The following RNF121 variants were observed in gnomAD, a reference collection of about 807,000 sequenced individuals.
RNF121 encodes ring finger protein 121.
Under a neutral mutation model 46.5 loss-of-function variants are expected in RNF121, and 21 were observed. The observed-to-expected ratio is 0.45, with a 90% CI of 0.32 to 0.65. The LOEUF (loss-of-function observed/expected upper bound fraction) is 0.65. Among genes scored for constraint, RNF121 ranks in the 30% least tolerant of loss-of-function variants. The pLI, the probability that RNF121 is intolerant of heterozygous loss-of-function variation, is 0.04. For missense variants in RNF121, 346 were observed against 416.0 expected, an observed-to-expected ratio of 0.83 and a Z score of 1.46; for synonymous variants, 139 against 144.7, an observed-to-expected ratio of 0.96 and a Z score of 0.28.
chr11:71,946,101 ACT>A (rs1953709287), intron 1 of RNF121, among the ~76,000 whole-genome samples: 1 of 151,584 alleles, frequency 6.6e-6, no homozygotes, highest in Non-Finnish European at 1.5e-5. Flanking sequence ...ACAGAGTAAG[ACT>A]CTGCCTTAAA....
chr11:71,962,455 C>A (rs1225546920), intron 3 of RNF121, among the ~76,000 whole-genome samples: 1 of 152,118 alleles, frequency 6.6e-6, no homozygotes, highest in Non-Finnish European at 1.5e-5. Flanking sequence ...CTCTGCTTCC[C>A]CCTCTGAAAT....
chr11:71,967,339 G>GTTTTT (rs1251537488), intron 3 of RNF121, among the ~76,000 whole-genome samples: 2 of 68,418 alleles, frequency 2.9e-5, no homozygotes, highest in African/African-American at 8.1e-5. Flanking sequence ...TAATTATGTG[G>GTTTTT]GTTTTTTTTG....
chr11:71,932,001 A>G (rs942286617), intron 1 of RNF121, among the ~76,000 whole-genome samples: 1 of 152,208 alleles, frequency 6.6e-6, no homozygotes, highest in African/African-American at 2.4e-5. Flanking sequence ...TATGTTTTCC[A>G]ATATTAGATG....
At chr11:71,970,003 A>G (rs1322609046) in intron 3 of RNF121, among the ~76,000 whole-genome samples, 1 of 152,248 alleles carries the variant, frequency 6.6e-6, no homozygotes, top group East Asian at 1.9e-4. Flanking sequence ...TTCACATCTT[A>G]GGTTCATTTG....
At chr11:71,962,360 T>A in intron 3 of RNF121, 2 of 868,310 alleles carry the variant, frequency 2.3e-6, no homozygotes, top group Non-Finnish European at 1.4e-6. Flanking sequence ...ATCCTTTCTT[T>A]AAACATTATC....
chr11:71,970,398 C>G (rs1389658377), intron 3 of RNF121, among the ~76,000 whole-genome samples: 1 of 152,178 alleles, frequency 6.6e-6, no homozygotes, highest in East Asian at 1.9e-4. Context: ...CAGTGGCTTA[C>G]ACCTCTAATC....
chr11:71,937,147 G>A (rs374579709), intron 1 of RNF121, among the ~76,000 whole-genome samples: 5 of 152,098 alleles, frequency 3.3e-5, no homozygotes, highest in African/African-American at 7.2e-5. Flanking sequence ...CTCCCGTAGC[G>A]CCCTGTACAG....
intron 1 of RNF121, 98 bp downstream of exon 1, chr11:71,929,222 A>C: frequency 6.8e-7 from 1 of 1,471,602 alleles, no homozygotes; most frequent in Non-Finnish European, 9.1e-7. Flanking sequence ...GAAGGGAAAG[A>C]TCCTGAGAGG....
rs771783214 is a variant in RNF121, at chr11:71,996,330, A to C, written c.*15A>C. The C allele has an allele frequency of 1.9e-6, 3 of 1,613,444 alleles. No individual in the cohort carries two copies. The African/African-American group carries it at 4.0e-5, about 22-fold the overall frequency. On this transcript the variant is annotated 3_prime_UTR_variant, in exon 9 of 9. Coordinates refer to ENST00000361756, the MANE Select transcript of RNF121 (RefSeq NM_018320.5). ...GCCTGGAATAGTGATGAAGAGCATC[A>C]GTGGAAAACCCACCCCACACGCCAT...
chr11:71,985,378 G>A (rs1160029485), intron 4 of RNF121, among the ~76,000 whole-genome samples: 8 of 152,170 alleles, frequency 5.3e-5, no homozygotes, highest in African/African-American at 1.9e-4. Flanking sequence ...TCTCAAAGAG[G>A]TGATTTGACT....
chr11:71,980,918 TATATC>T (rs1361590586), intron 3 of RNF121, among the ~76,000 whole-genome samples: 14 of 152,228 alleles, frequency 9.2e-5, no homozygotes, highest in Admixed American at 2.6e-4. Flanking sequence ...ATAAATAAAA[TATATC>T]ATTGAAATGA....
At chr11:71,930,161 G>A (rs2134137116) in intron 1 of RNF121, among the ~76,000 whole-genome samples, 1 of 152,330 alleles carries the variant, frequency 6.6e-6, no homozygotes, top group East Asian at 1.9e-4. Context: ...AAGCCATGGA[G>A]ACATTGATAG....
intron 6 of RNF121, among the ~76,000 whole-genome samples, 182 bp from the exon 7 acceptor site, chr11:71,994,537 G>A (rs370583452): frequency 4.4e-4 from 67 of 151,866 alleles, no homozygotes; most frequent in African/African-American, 1.4e-3. Flanking sequence ...AGATGAGGTC[G>A]ATTTGACTTG....
intron 3 of RNF121, among the ~76,000 whole-genome samples, chr11:71,967,904 TC>T (rs1954324967): frequency 6.6e-6 from 1 of 152,194 alleles, no homozygotes; most frequent in Non-Finnish European, 1.5e-5. Flanking sequence ...TTTCCTTTGC[TC>T]AGGTTTCTTT....
In RNF121 at chr11:71,938,291, C is replaced by T. The variant is rs1953469268; in HGVS notation, c.63+9167C>T. On this transcript the variant is annotated intron_variant, in intron 1 of 8. Transcript: ENST00000361756. ...ACTATGTGCCAGGCAGTAAAGTAAG[C>T]ATTTTACGTGTGTAGTCTCTTAATT... 2.8e-5 allele frequency among the ~76,000 whole-genome samples: 4 copies of T among 141,868 alleles called. No homozygotes were observed. The Admixed American group carries it at 2.8e-4, about 10-fold the overall frequency. The allele number at this position is 141,868 out of a possible 152,430, so 93.1% of individuals were successfully genotyped here.
chr11:71,994,622 G>A lies in RNF121; in HGVS notation c.628-97G>A, dbSNP rs182136283. 1.5e-4 allele frequency: 218 copies of A among 1,436,876 alleles called. 1 individual carries two copies. The African/African-American group carries it at 3.0e-3, about 20-fold the overall frequency. 89.0% of individuals were successfully genotyped at this position (1,436,876 alleles called of 1,614,324 possible). ...ACTCTGGGCCTCCCGCTGCCACTGT[G>A]CCTCTTCTCTAGAAGGCCTGAGGTC... On this transcript the variant is annotated intron_variant, in intron 6 of 8. Transcript: ENST00000361756.
intron 1 of RNF121, among the ~76,000 whole-genome samples, chr11:71,953,025 G>T (rs776504981): frequency 4.6e-5 from 7 of 152,084 alleles, no homozygotes; most frequent in Non-Finnish European, 8.8e-5. Flanking sequence ...ATTTTGTACA[G>T]AATAGTACAT....
intron 3 of RNF121, among the ~76,000 whole-genome samples, chr11:71,968,353 C>A (rs1265308495): frequency 6.6e-6 from 1 of 152,154 alleles, no homozygotes; most frequent in African/African-American, 2.4e-5. Flanking sequence ...AGCCACTGCC[C>A]CCAGCCCAAT....
At chr11:71,994,145 T>C (rs116599233) in intron 6 of RNF121, among the ~76,000 whole-genome samples, 111 of 152,256 alleles carry the variant, frequency 7.3e-4, no homozygotes, top group African/African-American at 2.6e-3. Context: ...CAGCCTCCTC[T>C]TATTTCTTTA....
Sources: gnomAD v4.1 joint callset for allele counts (sites outside exome capture counted in the v4.1 genomes callset) on GRCh38, gnomAD v4.1.1 for gene constraint, MANE v1.5 for transcripts, NCBI Gene and HGNC (gene_info 2026-07-23, HGNC 2026-07-21) for gene names.